The following MYO16 variants were observed in gnomAD, a reference collection of about 807,000 sequenced individuals.
MYO16 encodes the protein myosin XVI.
In MYO16, 94 loss-of-function variants were observed where a neutral mutation model predicts 205.3. The ratio of observed to expected loss-of-function variants is 0.46; its 90% CI spans 0.39 to 0.54. The LOEUF (loss-of-function observed/expected upper bound fraction) is 0.54. Among genes scored for constraint, MYO16 ranks in the 20% least tolerant of loss-of-function variants. MYO16 has a pLI of 0.00. For synonymous variants in MYO16, 988 were observed against 954.0 expected (o/e 1.04, Z -0.66); for missense variants, 2,315 against 2,387.5 (o/e 0.97, Z 0.63).
the MYO16 span, among the ~76,000 whole-genome samples, chr13:108,558,348 G>A: frequency 6.6e-6 from 1 of 152,160 alleles, no homozygotes; most frequent in Non-Finnish European, 1.5e-5. Context: ...ATGTTTCCAG[G>A]AGGGCTTGGC....
At chr13:108,720,716 A>G (rs577039253) in intron 3 of MYO16, among the ~76,000 whole-genome samples, 3 of 152,328 alleles carry the variant, frequency 2.0e-5, no homozygotes, top group African/African-American at 7.2e-5. Context: ...CGTAACCACT[A>G]CAGAGAAGAG....
chr13:108,758,799 G>C (rs1885504508), intron 4 of MYO16, among the ~76,000 whole-genome samples: 1 of 152,162 alleles, frequency 6.6e-6, no homozygotes, highest in African/African-American at 2.4e-5. Flanking sequence ...TATTCGAAAA[G>C]CATGTTATAA....
Position 108,784,228 on chromosome 13 carries a change from C to T in MYO16, c.508-1407C>T, listed in dbSNP as rs573019720. Among the ~76,000 whole-genome samples, 5 of 150,984 alleles carry T rather than the reference C, an allele frequency of 3.3e-5. No individual in the cohort carries two copies. The East Asian group carries it at 1.0e-3, about 31-fold the overall frequency. ...GTCTACTGAAGAATATCCCTGAAGT[C>T]AGGGTTTTTTTTTTCAAACTCTGAA... On this transcript the variant is annotated intron_variant, in intron 4 of 34. Transcript: ENST00000457511.
intron 4 of MYO16, among the ~76,000 whole-genome samples, chr13:108,766,335 G>A (rs1264634418): frequency 1.3e-5 from 2 of 152,182 alleles, no homozygotes; most frequent in African/African-American, 4.8e-5. Context: ...TTTGCTGCTG[G>A]TTATCAAGAA....
intron 4 of MYO16, among the ~76,000 whole-genome samples, chr13:108,767,196 G>A (rs368346303): frequency 8.6e-5 from 13 of 151,964 alleles, no homozygotes; most frequent in African/African-American, 1.2e-4. Context: ...TCCGCCTCCC[G>A]GGTTCACGCC....
At chr13:108,499,237 A>G in the MYO16 span, among the ~76,000 whole-genome samples, 2 of 152,250 alleles carry the variant, frequency 1.3e-5, no homozygotes, top group South Asian at 2.1e-4. Context: ...TAACAATTCT[A>G]TAGTGACATT....
chr13:109,188,960 G>T (rs569102847), intron 34 of MYO16, among the ~76,000 whole-genome samples: 1 of 152,062 alleles, frequency 6.6e-6, no homozygotes, highest in Non-Finnish European at 1.5e-5. Context: ...TGGGCGTGGT[G>T]GTGCATGCCT....
intron 20 of MYO16, among the ~76,000 whole-genome samples, chr13:108,965,773 A>C (rs1282067563): frequency 6.6e-6 from 1 of 152,176 alleles, no homozygotes; most frequent in African/African-American, 2.4e-5. Context: ...TCTCCATTAC[A>C]TATTATCAGT....
upstream of MYO16, among the ~76,000 whole-genome samples, chr13:108,627,638 T>C (rs1200234568): frequency 6.6e-6 from 1 of 152,172 alleles, no homozygotes; most frequent in Non-Finnish European, 1.5e-5. Context: ...TCTCACGGGG[T>C]ACCTTGGTTA....
chr13:109,061,587 C>T (rs759185195), intron 27 of MYO16, among the ~76,000 whole-genome samples: 4 of 152,054 alleles, frequency 2.6e-5, no homozygotes, highest in Non-Finnish European at 5.9e-5. Context: ...ACACACATGA[C>T]ACGTATTGAT....
intron 4 of MYO16, among the ~76,000 whole-genome samples, chr13:108,778,847 A>G (rs12870446): frequency 0.36 from 54,237 of 152,084 alleles, 9,786 homozygotes; most frequent in African/African-American, 0.37. Flanking sequence ...CAAGGCTGGC[A>G]TAGAACCTCT....
At chr13:108,737,445 G>A (rs567219855) in intron 4 of MYO16, among the ~76,000 whole-genome samples, 32 of 152,286 alleles carry the variant, frequency 2.1e-4, no homozygotes, top group Admixed American at 1.9e-3. Flanking sequence ...TACATTTAAT[G>A]ATTTGTGTAT....
At chr13:108,637,911 C>T (rs949974237) in intron 1 of MYO16, among the ~76,000 whole-genome samples, 1 of 151,990 alleles carries the variant, frequency 6.6e-6, no homozygotes, top group Admixed American at 6.6e-5. Flanking sequence ...GATACAAAGA[C>T]GAACAAGCAA....
At chr13:108,556,906 G>T in the MYO16 span, among the ~76,000 whole-genome samples, 1 of 151,988 alleles carries the variant, frequency 6.6e-6, no homozygotes, top group Non-Finnish European at 1.5e-5. Flanking sequence ...TTTCTCCATT[G>T]TGTGTTGGCG....
intron 23 of MYO16, among the ~76,000 whole-genome samples, chr13:109,036,887 C>T (rs1376949437): frequency 6.6e-6 from 1 of 152,148 alleles, no homozygotes; most frequent in Non-Finnish European, 1.5e-5. Flanking sequence ...ATGCTTTTCT[C>T]CTTTCATCCC....
At chr13:108,703,509 C>G (rs1209708489) in intron 2 of MYO16, among the ~76,000 whole-genome samples, 1 of 151,942 alleles carries the variant, frequency 6.6e-6, no homozygotes, top group African/African-American at 2.4e-5. Flanking sequence ...ATGGATGGAG[C>G]TAGACAAAAG....
intron 4 of MYO16, among the ~76,000 whole-genome samples, chr13:108,752,580 T>C (rs1262601946): frequency 1.3e-5 from 2 of 152,104 alleles, no homozygotes; most frequent in Admixed American, 6.6e-5. Flanking sequence ...CCATTAAACT[T>C]TTATGAGACT....
chr13:108,616,320 G>A (rs1879347911), intron 1 of MYO16, among the ~76,000 whole-genome samples: 2 of 152,188 alleles, frequency 1.3e-5, no homozygotes, highest in South Asian at 4.1e-4. Flanking sequence ...TACAAAACAA[G>A]TTAAGACTCT....
At chr13:108,806,422 G>A (rs1405683632) in intron 6 of MYO16, among the ~76,000 whole-genome samples, 4 of 152,150 alleles carry the variant, frequency 2.6e-5, no homozygotes, top group Non-Finnish European at 4.4e-5. Context: ...GAACTCGGAG[G>A]GGGATGGGAG....
Sources: allele counts gnomAD v4.1 joint callset (sites outside exome capture counted in the v4.1 genomes callset), GRCh38; gene constraint gnomAD v4.1.1; transcripts MANE v1.5; gene names NCBI Gene and HGNC (gene_info 2026-07-23, HGNC 2026-07-21).